ATRN: variants seen among roughly 807,000 people sequenced by gnomAD.
ATRN encodes attractin-2.
ATRN carries 54 observed loss-of-function variants against 178.7 expected under a neutral mutation model. That is an observed-to-expected ratio of 0.30 (90% confidence interval 0.24 to 0.38). ATRN has a LOEUF of 0.38. Ranked by LOEUF, ATRN falls within the 10% of genes least tolerant of loss-of-function variation. The pLI is 1.00. For missense variants in ATRN, 1,443 were observed against 1,815.1 expected (o/e 0.79, Z 3.73); for synonymous variants, 636 against 663.0 (o/e 0.96, Z 0.63).
intron 1 of ATRN, among the ~76,000 whole-genome samples, chr20:3,515,868 T>C (rs192141552): frequency 1.3e-5 from 2 of 152,208 alleles, no homozygotes; most frequent in African/African-American, 4.8e-5. Context: ...GATGCAACTC[T>C]GAATGGGCTT....
chr20:3,555,553 C>T (rs1248395890), intron 6 of ATRN, among the ~76,000 whole-genome samples: 2 of 38,982 alleles, frequency 5.1e-5, no homozygotes, highest in Non-Finnish European at 8.2e-5. Flanking sequence ...CTGTGGTAGA[C>T]CACAAAACAA....
chr20:3,606,746 A>G (rs998061659), intron 24 of ATRN, among the ~76,000 whole-genome samples: 4 of 152,182 alleles, frequency 2.6e-5, no homozygotes, highest in Admixed American at 2.6e-4. Context: ...TCAGTTTGCT[A>G]ATATTTTGGT....
At chr20:3,543,666 G>A (rs774536298) in intron 3 of ATRN, among the ~76,000 whole-genome samples, 7 of 151,554 alleles carry the variant, frequency 4.6e-5, no homozygotes, top group South Asian at 4.2e-4. Flanking sequence ...TGGAGGTTGC[G>A]GTGAGCCGAG....
intron 10 of ATRN, among the ~76,000 whole-genome samples, chr20:3,563,760 G>A (rs1457679706): frequency 6.6e-6 from 1 of 152,132 alleles, no homozygotes; most frequent in Non-Finnish European, 1.5e-5. Flanking sequence ...CAATATACCA[G>A]ACCAGAAGAG....
At chr20:3,611,574 T>C (rs2086766805) in intron 24 of ATRN, among the ~76,000 whole-genome samples, 1 of 152,082 alleles carries the variant, frequency 6.6e-6, no homozygotes, top group African/African-American at 2.4e-5. Flanking sequence ...AAACCCCGTC[T>C]CTACTAAAAA....
intron 1 of ATRN, among the ~76,000 whole-genome samples, chr20:3,504,609 T>C (rs2085011568): frequency 6.7e-6 from 1 of 150,102 alleles, no homozygotes; most frequent in Admixed American, 6.6e-5. Flanking sequence ...CGCTTGAAGC[T>C]GGGAGGGGGA....
At chr20:3,592,433 G>A (rs187848341) in intron 19 of ATRN, 43 of 970,348 alleles carry the variant, frequency 4.4e-5, no homozygotes, top group Middle Eastern at 5.4e-4. Flanking sequence ...AAAAAGTCCT[G>A]TGTTTCCCCA....
intron 7 of ATRN, 67 bp from the exon 8 acceptor site, chr20:3,560,595 T>C: frequency 7.5e-7 from 1 of 1,327,192 alleles, no homozygotes; most frequent in Non-Finnish European, 1.0e-6. Context: ...TGAGCTTTTG[T>C]TCTTCTCTGT....
intron 11 of ATRN, among the ~76,000 whole-genome samples, chr20:3,568,208 G>A (rs938494764): frequency 2.6e-5 from 4 of 151,788 alleles, no homozygotes; most frequent in Non-Finnish European, 5.9e-5. Flanking sequence ...GGAGAATGAT[G>A]TGAACCCCAG....
rs2085979770 is a variant in ATRN at position 3,563,267 on chromosome 20, G to A, written c.1690G>A (p.Gly564Arg). ...RYLHTAVIVS[G>R]TMLVFGGNTH... ...CTTGCACACAGCTGTGATAGTGAGT[G>A]GAACCATGCTGGTGTTTGGAGGAAA... Residue 564 changes from glycine (G) to arginine (R), a missense_variant, in exon 10 of 29, where the codon GGA becomes AGA. Gly to Arg is a moderately radical substitution (Grantham distance 125, BLOSUM62 -2). This residue lies in a region of ATRN where 862 missense variants were observed against 972.1 expected (regional missense o/e 0.89). Coordinates refer to ENST00000262919, the MANE Select transcript of ATRN (RefSeq NM_139321.3). 2 of 1,614,086 alleles carry A rather than the reference G, an allele frequency of 1.2e-6. No individual in the cohort carries two copies. Among genetic ancestry groups the A allele is most frequent in the Non-Finnish European group, 1.7e-6 (2 of 1,179,950 alleles).
In ATRN at chr20:3,587,191, C is replaced by A. The variant is rs192001683; in HGVS notation, c.3184+2311C>A. 1.2e-4 allele frequency among the ~76,000 whole-genome samples: 19 copies of A among 152,166 alleles called. No homozygotes were observed. In the East Asian group the frequency reaches 3.5e-3, roughly 28 times the overall value. The stretch of plus-strand genomic sequence containing the variant: ...CATTATATGGGTTTCTTTTCACTTT[C>A]TTAATATGCCTTTTGAAATCAAAAG... On this transcript the variant is annotated intron_variant, in intron 18 of 28. Coordinates refer to ENST00000262919, the MANE Select transcript of ATRN (RefSeq NM_139321.3).
chr20:3,560,735 T>G lies in ATRN; in HGVS notation c.1277T>G (p.Ile426Ser). The G allele has an allele frequency of 6.2e-7, 1 of 1,614,026 alleles. No individual in the cohort carries two copies. The highest frequency in any genetic ancestry group is 1.1e-5 in the South Asian group (1 of 91,082). Residue 426 changes from isoleucine to serine, a missense_variant, in exon 8 of 29, where the codon ATT (isoleucine) becomes AGT (serine). Physicochemically the swap from Ile to Ser is moderately radical, Grantham distance 142 (BLOSUM62 -2). Coordinates refer to ENST00000262919, the MANE Select transcript of ATRN (RefSeq NM_139321.3). Reference protein sequence around the residue: ...NVTNELRVFHIHNESWVLLTP... With the variant: ...NVTNELRVFHSHNESWVLLTP... ...ACCAATGAGTTGAGAGTTTTTCACA[T>G]TCATAATGAGTCATGGGTGTTGTTG...
chr20:3,595,663 T>C (rs919935975), intron 20 of ATRN, among the ~76,000 whole-genome samples: 2 of 152,192 alleles, frequency 1.3e-5, no homozygotes, highest in African/African-American at 4.8e-5. Flanking sequence ...TGGCATCAAG[T>C]AAGACTTTCA....
chr20:3,583,928 C>T lies in ATRN; in HGVS notation c.2795C>T (p.Pro932Leu), dbSNP rs1483564919. 7 of 1,614,208 alleles carry T rather than the reference C, an allele frequency of 4.3e-6. No individual in the cohort carries two copies. The South Asian group carries it at 7.7e-5, about 18-fold the overall frequency. ...CACAGTGCTAAGCAGTGCCGGACAC[C>T]ATGTGCCTTGAGGACAGCATGTGGA... ...ANHSAKQCRT[P>L]CALRTACGDC... Residue 932 changes from proline (P) to leucine (L), a missense_variant, in exon 17 of 29, where the codon CCA (proline) becomes CTA (leucine). Physicochemically the swap from Pro to Leu is moderately conservative, Grantham distance 98 (BLOSUM62 -3). Coordinates refer to ENST00000262919, the MANE Select transcript of ATRN (RefSeq NM_139321.3).
chr20:3,543,597 C>T (rs144102769), intron 3 of ATRN, among the ~76,000 whole-genome samples: 514 of 151,894 alleles, frequency 3.4e-3, no homozygotes, highest in African/African-American at 0.012. Flanking sequence ...TGGTGGGGTG[C>T]GCCTGTAATC....
intron 11 of ATRN, among the ~76,000 whole-genome samples, chr20:3,566,043 C>T (rs373789615): frequency 2.0e-4 from 30 of 152,226 alleles, no homozygotes; most frequent in East Asian, 9.7e-4. Context: ...ACAAAAGTTA[C>T]GTGCATGTCA....
At chr20:3,584,526 A>G in intron 17 of ATRN, 121 bp from the exon 18 acceptor site, 4 of 741,446 alleles carry the variant, frequency 5.4e-6, no homozygotes, top group East Asian at 5.4e-5. Context: ...TCTCTTTTAA[A>G]TAATCAAGAC....
intron 3 of ATRN, among the ~76,000 whole-genome samples, chr20:3,541,093 T>TTTTTTTTTTTTTTTTG: frequency 6.6e-6 from 1 of 151,066 alleles, no homozygotes; most frequent in Non-Finnish European, 1.5e-5. Context: ...TTTTTTTTTT[T>TTTTTTTTTTTTTTTTG]TTGAGACGGA....
intron 25 of ATRN, among the ~76,000 whole-genome samples, chr20:3,624,949 A>G (rs1487814578): frequency 9.7e-4 from 148 of 152,284 alleles, no homozygotes; most frequent in Non-Finnish European, 1.5e-4. Flanking sequence ...TCAAGAGATG[A>G]TTCTGGTGAT....
Sources: gnomAD v4.1 joint callset for allele counts (sites outside exome capture counted in the v4.1 genomes callset) on GRCh38, gnomAD v4.1.1 for gene constraint, gnomAD v4.1.1 regional missense constraint, MANE v1.5 for transcripts, NCBI Gene and HGNC (gene_info 2026-07-23, HGNC 2026-07-21) for gene names.